Variants in BTBD10 observed in about 807,000 individuals in gnomAD.
BTBD10 encodes BTB/POZ domain-containing protein 10.
A neutral mutation model predicts 53.2 loss-of-function variants in BTBD10; 21 were observed. The observed-to-expected ratio is 0.39, with a 90% CI of 0.28 to 0.57. BTBD10 has a LOEUF of 0.57. Ranked by LOEUF, BTBD10 falls within the 20% of genes least tolerant of loss-of-function variation. The pLI is 0.53. For missense variants in BTBD10, 360 were observed against 594.7 expected (o/e 0.61, Z 4.10); for synonymous variants, 149 against 192.7 (o/e 0.77, Z 1.88).
At chr11:13,461,200 C>G (rs2134071919) in intron 1 of BTBD10, among the ~76,000 whole-genome samples, 1 of 152,234 alleles carries the variant, frequency 6.6e-6, no homozygotes, top group South Asian at 2.1e-4. Context: ...AGCTTCTAAA[C>G]TGGAGAGGAG....
At chr11:13,455,716 A>G (rs1184753432) in intron 1 of BTBD10, among the ~76,000 whole-genome samples, 3 of 152,232 alleles carry the variant, frequency 2.0e-5, no homozygotes, top group Non-Finnish European at 4.4e-5. Flanking sequence ...CCTGAAGCTG[A>G]TGCCTAAATC....
chr11:13,414,472 G>A (rs771045660), intron 5 of BTBD10, among the ~76,000 whole-genome samples: 55 of 152,024 alleles, frequency 3.6e-4, no homozygotes, highest in South Asian at 1.7e-3. Context: ...TGGCTAACAC[G>A]GTGAAACCTT....
At chr11:13,448,782 T>C (rs557468739) in intron 1 of BTBD10, among the ~76,000 whole-genome samples, 2 of 152,278 alleles carry the variant, frequency 1.3e-5, no homozygotes, top group Non-Finnish European at 2.9e-5. Context: ...ATATCTAAAC[T>C]CCTTACTATA....
At chr11:13,419,182 A>G (rs1950190122) in intron 4 of BTBD10, among the ~76,000 whole-genome samples, 1 of 152,136 alleles carries the variant, frequency 6.6e-6, no homozygotes, top group Non-Finnish European at 1.5e-5. Flanking sequence ...ATCTGTAAAG[A>G]TATTTTAGTA....
In BTBD10 at chr11:13,436,580, G is replaced by A. The variant is rs149186194; in HGVS notation, c.101+8444C>T. On this transcript the variant is annotated intron_variant, in intron 2 of 8. Transcript: ENST00000278174. The stretch of plus-strand genomic sequence containing the variant: ...ACAGCTGAGAAAATGGAAACTTAGC[G>A]GCTAAGCAAGGTGCCTGAAATCATA... 2.7e-3 allele frequency among the ~76,000 whole-genome samples: 408 copies of A among 152,244 alleles called. 10 individuals are homozygous for A. The highest frequency in any genetic ancestry group is 0.015 in the Admixed American group (233 of 15,302).
chr11:13,446,895 AAAGAG>A (rs1289608545), intron 1 of BTBD10, among the ~76,000 whole-genome samples: 8 of 152,216 alleles, frequency 5.3e-5, no homozygotes, highest in African/African-American at 1.9e-4. Flanking sequence ...AGATGAGGTC[AAAGAG>A]AAGAAAATGG....
intron 5 of BTBD10, among the ~76,000 whole-genome samples, chr11:13,414,087 A>G (rs568256424): frequency 3.9e-5 from 6 of 152,360 alleles, no homozygotes; most frequent in Admixed American, 2.0e-4. Context: ...ATTTAACAAA[A>G]TGTGAGGTTT....
intron 1 of BTBD10, among the ~76,000 whole-genome samples, chr11:13,449,783 C>G (rs1950820746): frequency 6.6e-6 from 1 of 152,202 alleles, no homozygotes; most frequent in Non-Finnish European, 1.5e-5. Flanking sequence ...TGAGAGAAAA[C>G]ACTAAGGGCT....
chr11:13,396,595 G>C (rs1449139429), intron 8 of BTBD10, among the ~76,000 whole-genome samples: 1 of 152,222 alleles, frequency 6.6e-6, no homozygotes, highest in African/African-American at 2.4e-5. Context: ...GTTGTGGTGA[G>C]AGAGGGCATC....
chr11:13,445,983 T>C (rs1027548602), intron 1 of BTBD10, among the ~76,000 whole-genome samples: 3 of 152,162 alleles, frequency 2.0e-5, no homozygotes, highest in African/African-American at 7.2e-5. Context: ...TTAGTAACTT[T>C]GCCAAAGATC....
intron 6 of BTBD10, among the ~76,000 whole-genome samples, chr11:13,406,653 G>A (rs1949839570): frequency 6.6e-6 from 1 of 151,116 alleles, no homozygotes; most frequent in South Asian, 2.1e-4. Context: ...GTGTGTGTGT[G>A]TTGTAAAAAC....
chr11:13,420,272 T>TC (rs1326042171), intron 3 of BTBD10, among the ~76,000 whole-genome samples: 2 of 151,410 alleles, frequency 1.3e-5, no homozygotes, highest in East Asian at 3.9e-4. Flanking sequence ...AGGTCCCCTT[T>TC]CCCCCACAAA....
chr11:13,429,856 C>T (rs1455922627), intron 2 of BTBD10, among the ~76,000 whole-genome samples: 1 of 152,166 alleles, frequency 6.6e-6, no homozygotes, highest in East Asian at 1.9e-4. Context: ...GTAATCCCAG[C>T]ACCTTGCGAG....
intron 2 of BTBD10, among the ~76,000 whole-genome samples, chr11:13,444,749 C>T (rs1280012382): frequency 6.6e-6 from 1 of 152,050 alleles, no homozygotes; most frequent in Non-Finnish European, 1.5e-5. Flanking sequence ...ATGTGAGAGT[C>T]CCCAATTAAG....
intron 8 of BTBD10, among the ~76,000 whole-genome samples, chr11:13,393,667 G>A (rs886418518): frequency 8.5e-5 from 13 of 152,110 alleles, no homozygotes; most frequent in African/African-American, 2.9e-4. Flanking sequence ...AGAAGAGCCT[G>A]GTTAGTTACC....
chr11:13,405,934 C>T (rs1275834237), intron 6 of BTBD10, 78 bp from the exon 7 acceptor site: 4 of 1,385,962 alleles, frequency 2.9e-6, no homozygotes, highest in Non-Finnish European at 4.0e-6. Context: ...ACTCTTATAA[C>T]AAGAAAGGCC....
chr11:13,426,953 T>C (rs188615367), intron 2 of BTBD10, among the ~76,000 whole-genome samples: 4 of 152,304 alleles, frequency 2.6e-5, no homozygotes, highest in Admixed American at 2.6e-4. Flanking sequence ...AGGTGAAGAT[T>C]ATCAGATTGG....
chr11:13,429,236 T>TA (rs1437763799), intron 2 of BTBD10, among the ~76,000 whole-genome samples: 1 of 152,168 alleles, frequency 6.6e-6, no homozygotes, highest in Non-Finnish European at 1.5e-5. Flanking sequence ...ATCTACTAGA[T>TA]ACAACATAAT....
chr11:13,409,237 T>C (rs1220072761), intron 6 of BTBD10, among the ~76,000 whole-genome samples: 1 of 152,208 alleles, frequency 6.6e-6, no homozygotes, highest in Non-Finnish European at 1.5e-5. Context: ...CTGCTTGGAA[T>C]TTAACATTTT....
Sources: gnomAD v4.1 joint callset for allele counts (sites outside exome capture counted in the v4.1 genomes callset) on GRCh38, gnomAD v4.1.1 for gene constraint, MANE v1.5 for transcripts, NCBI Gene and HGNC (gene_info 2026-07-23, HGNC 2026-07-21) for gene names.